CNTLN: variants seen among roughly 807,000 people sequenced by gnomAD.
CNTLN encodes centlein.
CNTLN carries 212 observed loss-of-function variants against 180.0 expected under a neutral mutation model. The ratio of observed to expected loss-of-function variants is 1.18; its 90% CI spans 1.05 to 1.32. The LOEUF is 1.32. CNTLN is among the 40% of genes most tolerant of loss of function. The pLI, the probability that CNTLN is intolerant of heterozygous loss-of-function variation, is 0.00. For synonymous variants in CNTLN, 722 were observed against 563.1 expected (o/e 1.28, Z -3.99); for missense variants, 2,095 against 1,610.9 (o/e 1.30, Z -5.14).
At chr9:17,205,994 C>T (rs1822893506) in intron 2 of CNTLN, among the ~76,000 whole-genome samples, 1 of 149,766 alleles carries the variant, frequency 6.7e-6, no homozygotes, top group South Asian at 2.2e-4. Flanking sequence ...AACCTGTCTG[C>T]TAGTAATAAG....
At chr9:17,371,593 T>A (rs559836907) in intron 13 of CNTLN, among the ~76,000 whole-genome samples, 1 of 152,290 alleles carries the variant, frequency 6.6e-6, no homozygotes, top group African/African-American at 2.4e-5. Flanking sequence ...AACATTGGAA[T>A]TAATTTGTAC....
At chr9:17,427,800 G>A (rs1466313874) in intron 18 of CNTLN, among the ~76,000 whole-genome samples, 1 of 152,118 alleles carries the variant, frequency 6.6e-6, no homozygotes, top group Non-Finnish European at 1.5e-5. Context: ...TACCATAGTA[G>A]TCATCTTTCC....
At chr9:17,438,131 A>T (rs1350791653) in intron 18 of CNTLN, among the ~76,000 whole-genome samples, 1 of 152,314 alleles carries the variant, frequency 6.6e-6, no homozygotes, top group South Asian at 2.1e-4. Context: ...GCCTGACCGT[A>T]GACCAATTAA....
chr9:17,502,565 A>C lies in CNTLN; in HGVS notation c.4134A>C (p.Ser1378=). Residue 1378 remains serine (S), a synonymous_variant, in exon 26 of 26, where the codon TCA becomes TCC. Coordinates refer to ENST00000380647, the MANE Select transcript of CNTLN (RefSeq NM_017738.4). ...TTCTTTTACAGCTTCCTTTTGCCTC[A>C]TATTTACTAGAAGCAGTACTGGAAA... ...KLLEGQLPFA[S]YLLEAVLEKI... The C allele has an allele frequency of 7.2e-7, 1 of 1,396,520 alleles. No individual in the cohort carries two copies. 86.5% of individuals were successfully genotyped at this position (1,396,520 alleles called of 1,614,324 possible). A position where few individuals can be genotyped will look rare whatever the true frequency, so the allele number is the denominator to read the frequency against.
intron 5 of CNTLN, among the ~76,000 whole-genome samples, chr9:17,265,849 A>G (rs944446546): frequency 3.9e-5 from 6 of 152,064 alleles, no homozygotes. Context: ...GTATTCTTTC[A>G]TGGTTGTTTG....
chr9:17,371,890 A>G (rs1226709585), intron 13 of CNTLN, among the ~76,000 whole-genome samples: 1 of 152,162 alleles, frequency 6.6e-6, no homozygotes, highest in Admixed American at 6.5e-5. Context: ...GAAATTAAGG[A>G]GGAAATTTAA....
intron 2 of CNTLN, among the ~76,000 whole-genome samples, chr9:17,196,375 C>T (rs977759608): frequency 6.6e-6 from 1 of 152,030 alleles, no homozygotes; most frequent in Admixed American, 6.6e-5. Context: ...TTCTTTAGAC[C>T]TCAGTTTTCA....
chr9:17,396,761 T>G (rs1826556521), intron 15 of CNTLN, among the ~76,000 whole-genome samples: 1 of 152,142 alleles, frequency 6.6e-6, no homozygotes, highest in Non-Finnish European at 1.5e-5. Flanking sequence ...TTTTTCAAGT[T>G]TCCCTGTTGA....
At chr9:17,315,480 T>G (rs1930642) in intron 8 of CNTLN, among the ~76,000 whole-genome samples, 6,870 of 152,146 alleles carry the variant, frequency 0.045, 208 homozygotes, top group South Asian at 0.14. Flanking sequence ...TTTTTCAGTT[T>G]TTAAAGCTTT....
chr9:17,271,046 G>A (rs1024251018), intron 5 of CNTLN, among the ~76,000 whole-genome samples: 12 of 148,826 alleles, frequency 8.1e-5, no homozygotes, highest in Admixed American at 4.1e-4. Context: ...AGCCTTCCGG[G>A]TTCACACCAT....
At chr9:17,158,451 G>A (rs1389300428) in intron 2 of CNTLN, among the ~76,000 whole-genome samples, 1 of 151,988 alleles carries the variant, frequency 6.6e-6, no homozygotes, top group Non-Finnish European at 1.5e-5. Flanking sequence ...TGAAGAATTG[G>A]TATTAATTCT....
chr9:17,322,166 G>C (rs1414427346), intron 8 of CNTLN, among the ~76,000 whole-genome samples: 4 of 151,884 alleles, frequency 2.6e-5, no homozygotes, highest in Non-Finnish European at 5.9e-5. Context: ...AAATATATGG[G>C]AAATGATTTT....
chr9:17,288,482 C>T (rs1300007516), intron 6 of CNTLN, among the ~76,000 whole-genome samples: 1 of 142,822 alleles, frequency 7.0e-6, no homozygotes, highest in African/African-American at 2.8e-5. Context: ...AATGTATATT[C>T]TGTTGATTTG....
At chr9:17,475,640 AG>A (rs1407827741) in intron 23 of CNTLN, among the ~76,000 whole-genome samples, 3 of 151,950 alleles carry the variant, frequency 2.0e-5, no homozygotes, top group Non-Finnish European at 2.9e-5. Flanking sequence ...CGGGAGGCCG[AG>A]GTGGGTGGAT....
intron 18 of CNTLN, among the ~76,000 whole-genome samples, chr9:17,423,474 A>T (rs76326479): frequency 0.027 from 4,063 of 152,084 alleles, 204 homozygotes; most frequent in East Asian, 0.24. Flanking sequence ...CCTTTCTGCA[A>T]TCAGGAGTCT....
At chr9:17,414,818 T>C (rs1587932259) in intron 16 of CNTLN, among the ~76,000 whole-genome samples, 1 of 152,290 alleles carries the variant, frequency 6.6e-6, no homozygotes, top group Admixed American at 6.5e-5. Context: ...GGCTAGGCAC[T>C]GTGGCTCACG....
chr9:17,281,556 G>A (rs575410190), intron 6 of CNTLN, among the ~76,000 whole-genome samples: 11 of 152,132 alleles, frequency 7.2e-5, no homozygotes, highest in South Asian at 2.1e-4. Flanking sequence ...GTGTTCCTGC[G>A]TTAGTTTGCT....
chr9:17,332,486 ATTT>A (rs3084508), intron 9 of CNTLN, 116 bp from the exon 10 acceptor site: 49,562 of 749,918 alleles, frequency 0.066, 11 homozygotes, highest in East Asian at 0.1. Context: ...TCCATGCAGG[ATTT>A]TTTTTTTTTT....
intron 18 of CNTLN, among the ~76,000 whole-genome samples, chr9:17,417,709 T>G (rs1410600871): frequency 2.6e-5 from 4 of 152,170 alleles, no homozygotes; most frequent in African/African-American, 9.6e-5. Flanking sequence ...TTCCTTAAAT[T>G]GCATACACTA....
Sources: gnomAD v4.1 joint callset for allele counts (sites outside exome capture counted in the v4.1 genomes callset) on GRCh38, gnomAD v4.1.1 for gene constraint, MANE v1.5 for transcripts, NCBI Gene and HGNC (gene_info 2026-07-23, HGNC 2026-07-21) for gene names.